The following PLCH1 variants were observed in gnomAD, a reference collection of about 807,000 sequenced individuals.
The protein encoded by PLCH1 is 1-phosphatidylinositol 4,5-bisphosphate phosphodiesterase eta-1.
A neutral mutation model predicts 126.7 loss-of-function variants in PLCH1; 60 were observed. The observed-to-expected ratio is 0.47, with a 90% CI of 0.38 to 0.59. PLCH1 has a LOEUF of 0.59. Among genes scored for constraint, PLCH1 ranks in the 20% least tolerant of loss-of-function variants. PLCH1 has a pLI of 0.00. For missense variants in PLCH1, 1,723 were observed against 2,040.0 expected (o/e 0.84, Z 2.99); for synonymous variants, 719 against 734.9 (o/e 0.98, Z 0.35).
Position 155,565,137 on chromosome 3 carries a change from G to C in PLCH1, c.866-19C>G, listed in dbSNP as rs1356184713. The C allele has an allele frequency of 1.3e-6, 2 of 1,561,928 alleles. No individual in the cohort carries two copies. The highest frequency in any genetic ancestry group is 4.5e-5 in the East Asian group (2 of 44,500). On this transcript the variant is annotated intron_variant, in intron 7 of 22. Coordinates refer to ENST00000460012, the MANE Select transcript of PLCH1 (RefSeq NM_014996.4). ...GTGAAGCCTTTGGAAGAAAGAGAGTGACTTACTACAGCTTTCAAAGCATAT... is the reference window on the plus strand; with the variant it reads ...GTGAAGCCTTTGGAAGAAAGAGAGTCACTTACTACAGCTTTCAAAGCATAT...
chr3:155,528,594 A>G (rs747680691), intron 10 of PLCH1, among the ~76,000 whole-genome samples: 23 of 152,256 alleles, frequency 1.5e-4, no homozygotes, highest in Admixed American at 4.6e-4. Flanking sequence ...CTTTTGAAAC[A>G]GCATAAAATA....
In PLCH1 at chr3:155,481,121, T is replaced by C. The variant is rs200248330; in HGVS notation, c.4905A>G (p.Lys1635=). ...TGCCCCGGCCTTCAAGGCCACCCCC[T>C]TTCGTGTTCTTCAGGTAGCCTGCGA... ...SYIAGYLKNT[K]GGGLEGRGIP... Residue 1635 remains lysine, a synonymous_variant, in exon 23 of 23, where the codon AAA becomes AAG. Transcript: ENST00000460012. The surrounding 1 kb of genome is among the most constrained non-coding windows in gnomAD (Gnocchi z 4.2). 43 of 1,614,214 alleles carry C rather than the reference T, an allele frequency of 2.7e-5. No individual in the cohort carries two copies. In the East Asian group the frequency reaches 8.7e-4, roughly 33 times the overall value.
At chr3:155,624,589 A>G (rs1228016866) in intron 2 of PLCH1, among the ~76,000 whole-genome samples, 1 of 135,866 alleles carries the variant, frequency 7.4e-6, no homozygotes, top group Admixed American at 7.3e-5. Context: ...AATCACAAGC[A>G]TTCCTATACA....
Position 155,482,485 on chromosome 3 carries a change from C to T in PLCH1, c.3541G>A (p.Glu1181Lys), listed in dbSNP as rs761712917. ...GAGATGGAACTGCCCGGCTCATTCT[C>T]ATTTGTTAAAGTGACATTGTCAATA... ...HLIDNVTLTN[E>K]NEPGSSISAL... is the part of the protein sequence containing the mutation. Residue 1181 changes from glutamate (E) to lysine (K), a missense_variant, in exon 23 of 23, where the codon GAG becomes AAG. Glu to Lys is a moderately conservative substitution (Grantham distance 56, BLOSUM62 1). Around this residue, in one of 2 missense-constraint regions of PLCH1, gnomAD observed 947 missense variants for 977.1 expected, o/e 0.97. Coordinates refer to ENST00000460012, the MANE Select transcript of PLCH1 (RefSeq NM_014996.4). 6.2e-7 allele frequency: 1 copy of T among 1,614,156 alleles called. No homozygotes were observed. Among genetic ancestry groups the T allele is most frequent in the Non-Finnish European group, 8.5e-7 (1 of 1,180,032 alleles).
At chr3:155,585,568 T>C (rs1560204084) in intron 5 of PLCH1, among the ~76,000 whole-genome samples, 1 of 152,052 alleles carries the variant, frequency 6.6e-6, no homozygotes. Context: ...GAAAGAGCCT[T>C]TCATCTAACC....
intron 10 of PLCH1, among the ~76,000 whole-genome samples, chr3:155,530,014 G>T (rs146243168): frequency 6.6e-6 from 1 of 152,034 alleles, no homozygotes; most frequent in Admixed American, 6.5e-5. Flanking sequence ...TGATCCACCC[G>T]CCTTGGCCTC....
Position 155,494,322 on chromosome 3 carries a change from C to T in PLCH1, c.2074+16G>A. The T allele has an allele frequency of 4.3e-6, 7 of 1,613,782 alleles. No individual in the cohort carries two copies. The highest frequency in any genetic ancestry group is 5.9e-6 in the Non-Finnish European group (7 of 1,179,696). On this transcript the variant is annotated intron_variant, in intron 16 of 22. Coordinates refer to ENST00000460012, the MANE Select transcript of PLCH1 (RefSeq NM_014996.4). ...GAGAATATACAGAGAACCACTCCTT[C>T]CCAAGGAATACACACCTAGCTGGCA...
intron 2 of PLCH1, among the ~76,000 whole-genome samples, chr3:155,669,034 A>G (rs1743098191): frequency 6.6e-6 from 1 of 152,202 alleles, no homozygotes; most frequent in Admixed American, 6.5e-5. Context: ...GTGTGTGTGC[A>G]TGTATGTACT....
At chr3:155,633,470 A>G (rs909147748) in intron 2 of PLCH1, among the ~76,000 whole-genome samples, 9 of 150,930 alleles carry the variant, frequency 6.0e-5, no homozygotes, top group Non-Finnish European at 5.9e-5. Context: ...ACCTACTTGC[A>G]TTATTATTTC....
chr3:155,592,539 T>C (rs1240950589), intron 4 of PLCH1, among the ~76,000 whole-genome samples: 2 of 151,078 alleles, frequency 1.3e-5, no homozygotes, highest in East Asian at 1.9e-4. Context: ...ACTACCTCTG[T>C]TTAGGGCTGT....
In PLCH1 at chr3:155,482,966, G is replaced by T; in HGVS notation, c.3060C>A (p.Ser1020=). The part of the protein sequence containing the change: ...FLNFNKKLSS[S]SSALLHKDTS... ...TATCTTTGTGGAGCAGAGCACTGGA[G>T]GAGGATGATAACTTTTTGTTGAAAT... Residue 1020 remains serine, a synonymous_variant, in exon 23 of 23, where the codon TCC becomes TCA. Coordinates refer to ENST00000460012, the MANE Select transcript of PLCH1 (RefSeq NM_014996.4). 1 of 1,613,948 alleles carries T rather than the reference G, an allele frequency of 6.2e-7. No homozygotes were observed. The highest frequency in any genetic ancestry group is 1.3e-5 in the African/African-American group (1 of 75,060).
chr3:155,481,873 T>G lies in PLCH1; in HGVS notation c.4153A>C (p.Asn1385His). 6.2e-7 allele frequency: 1 copy of G among 1,614,156 alleles called. No homozygotes were observed. ...TGAAAGTGTTCTACCACACCCTGAT[T>G]GTACTTGAGTTTTAAAGGAGAAGCA... ...QLASPLKLKY[N>H]QGVVEHFQRG... Residue 1385 changes from asparagine (N) to histidine (H), a missense_variant, in exon 23 of 23, where the codon AAT (asparagine) becomes CAT (histidine). This residue lies in a region of PLCH1 where 947 missense variants were observed against 977.1 expected (regional missense o/e 0.97). Coordinates refer to ENST00000460012, the MANE Select transcript of PLCH1 (RefSeq NM_014996.4). The surrounding 1 kb of genome is among the most constrained non-coding windows in gnomAD (Gnocchi z 4.2).
At chr3:155,629,593 T>C (rs1737774445) in intron 2 of PLCH1, among the ~76,000 whole-genome samples, 1 of 152,210 alleles carries the variant, frequency 6.6e-6, no homozygotes, top group African/African-American at 2.4e-5. Flanking sequence ...TCCTTCACAG[T>C]CTTGACTCTC....
chr3:155,701,802 T>C (rs1244945462), intron 2 of PLCH1, among the ~76,000 whole-genome samples: 1 of 152,178 alleles, frequency 6.6e-6, no homozygotes, highest in Non-Finnish European at 1.5e-5. Flanking sequence ...TTAAGTCAAG[T>C]AAGTTCCTAT....
At position 155,615,861 on chromosome 3, in the gene PLCH1, A is replaced by G. The variant is rs192418163; in HGVS notation, c.80-19483T>C. On this transcript the variant is annotated intron_variant, in intron 2 of 22. Coordinates refer to ENST00000460012, the MANE Select transcript of PLCH1 (RefSeq NM_014996.4). Reference sequence around the variant, plus strand: ...ATGCACCAAAATCTCAGCAATCACCACTAAAGAACTTACACATGTAACCAA... The same window carrying G: ...ATGCACCAAAATCTCAGCAATCACCGCTAAAGAACTTACACATGTAACCAA... 5.3e-5 allele frequency among the ~76,000 whole-genome samples: 8 copies of G among 152,326 alleles called. No homozygotes were observed. The East Asian group carries it at 1.3e-3, about 26-fold the overall frequency.
Position 155,481,816 on chromosome 3 carries a change from T to C in PLCH1, c.4210A>G (p.Thr1404Ala), listed in dbSNP as rs745634374. 6.2e-7 allele frequency: 1 copy of C among 1,614,072 alleles called. No homozygotes were observed. Among genetic ancestry groups the C allele is most frequent in the Non-Finnish European group, 8.5e-7 (1 of 1,180,022 alleles). Residue 1404 changes from threonine to alanine, a missense_variant, in exon 23 of 23, where the codon ACC becomes GCC. Transcript: ENST00000460012. This position sits in a 1 kb window ranked among gnomAD's most constrained non-coding sequence, Gnocchi z 4.2. ...RGLRNGYCKE[T>A]LRPSVPEIFN... Reference sequence around the variant, plus strand: ...ATTTCAGGGACAGAAGGGCGGAGGGTCTCTTTACAGTAGCCGTTTCTCAAA... The same window carrying C: ...ATTTCAGGGACAGAAGGGCGGAGGGCCTCTTTACAGTAGCCGTTTCTCAAA...
chr3:155,520,485 T>C (rs1720938828), intron 11 of PLCH1, among the ~76,000 whole-genome samples: 1 of 152,184 alleles, frequency 6.6e-6, no homozygotes, highest in Non-Finnish European at 1.5e-5. Flanking sequence ...ACGTAGGAGA[T>C]ACAGAGCTAA....
At chr3:155,490,728 T>G in intron 19 of PLCH1, 56 bp downstream of exon 19, 1 of 985,314 alleles carries the variant, frequency 1.0e-6, no homozygotes, top group Non-Finnish European at 1.6e-6. Flanking sequence ...TTTTTTAGTG[T>G]AAATTCTATT....
intron 17 of PLCH1, 127 bp downstream of exon 17, chr3:155,494,014 G>GA (rs926576711): frequency 0.018 from 9,494 of 529,896 alleles, no homozygotes; most frequent in Middle Eastern, 0.02. Context: ...CTATCTTTTT[G>GA]AAAAAAAAAA....
Sources: gnomAD v4.1 joint callset for allele counts (sites outside exome capture counted in the v4.1 genomes callset) on GRCh38, gnomAD v4.1.1 for gene constraint, gnomAD v4.1.1 regional missense constraint, Gnocchi (gnomAD v3.1) non-coding constraint, MANE v1.5 for transcripts, NCBI Gene and HGNC (gene_info 2026-07-23, HGNC 2026-07-21) for gene names.